The following BRCA1 variants were observed in gnomAD, a reference collection of about 807,000 sequenced individuals.
BRCA1 encodes BRCA1 DNA repair associated.
In BRCA1, 140 loss-of-function variants were observed where a neutral mutation model predicts 173.7. That is an observed-to-expected ratio of 0.81 (90% CI 0.70 to 0.93). The LOEUF (loss-of-function observed/expected upper bound fraction) is 0.93, where lower values mean the gene tolerates loss of function less well. Among genes scored for constraint, BRCA1 ranks in the 40% least tolerant of loss-of-function variants. The pLI, the probability that BRCA1 is intolerant of heterozygous loss-of-function variation, is 0.00. For synonymous variants in BRCA1, 662 were observed against 756.0 expected (o/e 0.88, Z 2.04); for missense variants, 1,983 against 2,172.5 (o/e 0.91, Z 1.73).
chr17:43,082,840 G>T, intron 11 of BRCA1: 2 of 476,122 alleles, frequency 4.2e-6, no homozygotes, highest in South Asian at 2.7e-5. Context: ...TTTTGAAGTT[G>T]GTTATTTTCT....
intron 6 of BRCA1, among the ~76,000 whole-genome samples, chr17:43,101,336 A>G (rs1372998270): frequency 2.0e-5 from 3 of 151,684 alleles, no homozygotes; most frequent in East Asian, 1.9e-4. Flanking sequence ...AGCTGGGACT[A>G]CATGCGCACG....
chr17:43,102,645 G>A (rs1217694013), intron 6 of BRCA1, among the ~76,000 whole-genome samples: 1 of 150,970 alleles, frequency 6.6e-6, no homozygotes, highest in East Asian at 1.9e-4. Context: ...GTTAGCCGCC[G>A]CACCCAGCCA....
chr17:43,137,434 A>T (rs574219850), intron 1 of BRCA1, among the ~76,000 whole-genome samples: 16 of 112,136 alleles, frequency 1.4e-4, no homozygotes, highest in East Asian at 2.0e-4. Flanking sequence ...AATAATAATT[A>T]AAAAAAAAAA....
Position 43,057,149 on chromosome 17 carries a change from AAC to A in BRCA1, c.5194-16_5194-15del, listed in dbSNP as rs1360158770. On this transcript the variant is annotated splice_polypyrimidine_tract_variant and intron_variant, in intron 18 of 22. Coordinates refer to ENST00000357654, the MANE Select transcript of BRCA1 (RefSeq NM_007294.4). ...TTCAAAATCATGCTGAAAGAAACCA[AAC>A]ACAACCCATCAGGATAAGAGAAAGA... 1 of 1,611,938 alleles carries A rather than the reference AAC, an allele frequency of 6.2e-7. No individual in the cohort carries two copies. The highest frequency in any genetic ancestry group is 1.7e-5 in the Admixed American group (1 of 59,986).
chr17:43,168,209 A>G, intron 1 of BRCA1: 1 of 421,830 alleles, frequency 2.4e-6, no homozygotes, highest in Non-Finnish European at 4.8e-6. Context: ...AGCATTAAGG[A>G]CATTTTGTAC....
chr17:43,082,666 C>T lies in BRCA1; in HGVS notation c.4186-91G>A, dbSNP rs551772007. The T allele has an allele frequency of 2.8e-6, 4 of 1,432,696 alleles. No individual in the cohort carries two copies. The African/African-American group carries it at 5.6e-5, about 20-fold the overall frequency. The allele number at this position is 1,432,696 out of a possible 1,614,324, so 88.7% of individuals were successfully genotyped here. ...TATATCATACAAATTAATTTTAGCA[C>T]AGGAATTGAAATCACCTAGTATGGA... On this transcript the variant is annotated intron_variant, in intron 11 of 22. Transcript: ENST00000357654.
In BRCA1 at chr17:43,093,289, TG is replaced by T. The variant is rs80357650; in HGVS notation, c.2241del (p.Asp749IlefsTer4). 6.2e-7 allele frequency: 1 copy of T among 1,614,104 alleles called. No homozygotes were observed. Among genetic ancestry groups the T allele is most frequent in the Non-Finnish European group, 8.5e-7 (1 of 1,179,990 alleles). On this transcript the variant is annotated frameshift_variant, in exon 10 of 23. Transcript: ENST00000357654. LOFTEE classifies it high-confidence loss of function. ...CTTTCTCCACTTAACATGAGATCTT[TG>T]GGGTCTTCAGCATTATTAGACACTT... ...TVKVSNNAEDPKDLMLSGERV... is the reference protein window; with the variant it reads ...TVKVSNNAEDXKDLMLSGERV...
chr17:43,099,153 T>G (rs577066462), intron 7 of BRCA1, among the ~76,000 whole-genome samples: 1 of 152,046 alleles, frequency 6.6e-6, no homozygotes, highest in African/African-American at 2.4e-5. Context: ...CTTCCTCATC[T>G]AGTACAATTT....
chr17:43,091,400 A>AGACTG (rs2053466213), intron 10 of BRCA1, 35 bp downstream of exon 10: 1 of 1,611,878 alleles, frequency 6.2e-7, no homozygotes. Context: ...TTCTATAAAT[A>AGACTG]GACTGGGGCA....
chr17:43,149,415 A>G (rs902280765), intron 1 of BRCA1, among the ~76,000 whole-genome samples: 3 of 151,492 alleles, frequency 2.0e-5, no homozygotes, highest in Non-Finnish European at 2.9e-5. Context: ...TTGTATTTTT[A>G]GTAGAGACGG....
intron 1 of BRCA1, among the ~76,000 whole-genome samples, chr17:43,165,130 G>T (rs1328335860): frequency 6.6e-6 from 1 of 152,092 alleles, no homozygotes; most frequent in Non-Finnish European, 1.5e-5. Flanking sequence ...ATAAAACCTT[G>T]TAGACATATG....
intron 1 of BRCA1, chr17:43,138,655 A>G: frequency 1.3e-6 from 1 of 777,016 alleles, no homozygotes; most frequent in Non-Finnish European, 2.4e-6. Context: ...CTTTCTGTGC[A>G]GGTGCTGGAA....
In BRCA1 at chr17:43,099,883, A is replaced by C. The variant is rs8176139; in HGVS notation, c.442-3T>G. The C allele has an allele frequency of 6.2e-7, 1 of 1,605,432 alleles. No homozygotes were observed. Among genetic ancestry groups the C allele is most frequent in the Non-Finnish European group, 8.5e-7 (1 of 1,172,064 alleles). ...TGGACACTGAGACTGGTTTCCTGCT[A>C]AACAGTATGGTAAAGAACAGTCAAG... On this transcript the variant is annotated splice_region_variant and splice_polypyrimidine_tract_variant and intron_variant, in intron 6 of 22. Transcript: ENST00000357654.
intron 1 of BRCA1, among the ~76,000 whole-genome samples, chr17:43,158,702 T>C (rs1221783266): frequency 6.6e-6 from 1 of 152,220 alleles, no homozygotes; most frequent in Non-Finnish European, 1.5e-5. Flanking sequence ...GGCAACTAGG[T>C]CCCAAGTACT....
intron 1 of BRCA1, among the ~76,000 whole-genome samples, chr17:43,153,996 G>T (rs2056180063): frequency 6.6e-6 from 1 of 152,126 alleles, no homozygotes; most frequent in Non-Finnish European, 1.5e-5. Flanking sequence ...AGATCATCCT[G>T]GACAACATGG....
intron 18 of BRCA1, among the ~76,000 whole-genome samples, chr17:43,060,300 C>G (rs1357796137): frequency 6.6e-6 from 1 of 152,052 alleles, no homozygotes; most frequent in East Asian, 1.9e-4. Flanking sequence ...CCTTGACCTC[C>G]CAAAGTGCTG....
chr17:43,095,778 C>T (rs2154512984), intron 9 of BRCA1, 68 bp downstream of exon 9: 1 of 1,293,104 alleles, frequency 7.7e-7, no homozygotes, highest in East Asian at 2.4e-5. Flanking sequence ...TCAGAATAAT[C>T]TAATTACAGT....
intron 13 of BRCA1, 76 bp from the exon 14 acceptor site, chr17:43,074,597 A>G: frequency 7.5e-7 from 1 of 1,340,650 alleles, no homozygotes; most frequent in Non-Finnish European, 1.1e-6. Flanking sequence ...GGGCAGCCAA[A>G]GCATAAATGA....
At chr17:43,077,279 C>A (rs2052776857) in intron 12 of BRCA1, among the ~76,000 whole-genome samples, 1 of 151,374 alleles carries the variant, frequency 6.6e-6, no homozygotes, top group African/African-American at 2.4e-5. Flanking sequence ...GATGAAATGG[C>A]ACAAGAAGGG....
Sources: gnomAD v4.1 joint callset for allele counts (sites outside exome capture counted in the v4.1 genomes callset) on GRCh38, gnomAD v4.1.1 for gene constraint, MANE v1.5 for transcripts, NCBI Gene and HGNC (gene_info 2026-07-23, HGNC 2026-07-21) for gene names.